Variants in CXADR observed in about 807,000 individuals in gnomAD.
The protein encoded by CXADR is coxsackievirus and adenovirus receptor.
A neutral mutation model predicts 40.3 loss-of-function variants in CXADR; 20 were observed. The observed-to-expected ratio is 0.50, with a 90% CI of 0.35 to 0.72. The LOEUF is 0.72. CXADR is among the 30% of genes least tolerant of loss of function. CXADR has a pLI of 0.01. For missense variants in CXADR, 332 were observed against 449.1 expected (o/e 0.74, Z 2.36); for synonymous variants, 150 against 161.3 (o/e 0.93, Z 0.53).
chr21:17,592,214 C>A (rs2061443655), intron 7 of CXADR, among the ~76,000 whole-genome samples: 1 of 151,844 alleles, frequency 6.6e-6, no homozygotes, highest in African/African-American at 2.4e-5. Context: ...TCTGATTTTC[C>A]CAACAAACCT....
intron 1 of CXADR, among the ~76,000 whole-genome samples, chr21:17,532,208 C>T (rs979604816): frequency 5.3e-4 from 80 of 152,126 alleles, no homozygotes; most frequent in African/African-American, 1.9e-3. Flanking sequence ...GTTGCTATTA[C>T]AGGTGTGGTG....
At chr21:17,629,192 C>A in the CXADR span, among the ~76,000 whole-genome samples, 1 of 151,840 alleles carries the variant, frequency 6.6e-6, no homozygotes, top group Non-Finnish European at 1.5e-5. Flanking sequence ...CCAGTCTGGC[C>A]AACATAGCAA....
chr21:17,614,335 A>T, the CXADR span, among the ~76,000 whole-genome samples: 1 of 152,178 alleles, frequency 6.6e-6, no homozygotes, highest in Non-Finnish European at 1.5e-5. Flanking sequence ...ATAGTTTAGG[A>T]TTAGTATTTT....
At chr21:17,597,513 G>A (rs1000334121), downstream of CXADR, among the ~76,000 whole-genome samples, 14 of 151,826 alleles carry the variant, frequency 9.2e-5, no homozygotes, top group African/African-American at 3.4e-4. Context: ...AAAAAAACCT[G>A]GTAATGAATG....
At chr21:17,629,387 C>CAAAAAAAAA in the CXADR span, among the ~76,000 whole-genome samples, 1 of 80,570 alleles carries the variant, frequency 1.2e-5, no homozygotes, top group Non-Finnish European at 2.6e-5. Context: ...GACTGTGTCT[C>CAAAAAAAAA]AAAAAAAAAA....
chr21:17,513,654 G>T (rs2060421493), intron 1 of CXADR, among the ~76,000 whole-genome samples: 1 of 152,218 alleles, frequency 6.6e-6, no homozygotes, highest in Non-Finnish European at 1.5e-5. Context: ...TGGACATGGA[G>T]CTGCCCGGTG....
chr21:17,552,954 A>T (rs985015993), intron 3 of CXADR, among the ~76,000 whole-genome samples: 23 of 151,912 alleles, frequency 1.5e-4, no homozygotes, highest in Non-Finnish European at 4.4e-5. Context: ...ATGGAGTCAC[A>T]CTCTGTTACC....
chr21:17,559,958 T>C (rs974071105), intron 4 of CXADR, among the ~76,000 whole-genome samples: 1 of 121,994 alleles, frequency 8.2e-6, no homozygotes, highest in African/African-American at 3.0e-5. Flanking sequence ...GTGTGGGCCA[T>C]TGCGCCTGGC....
rs1203000184 is a variant in CXADR, at chr21:17,559,052, A to G, written c.492A>G (p.Pro164=). 3.7e-6 allele frequency: 6 copies of G among 1,613,924 alleles called. No homozygotes were observed. In the East Asian group the frequency reaches 8.9e-5, roughly 24 times the overall value. ...IGSDFKIKCE[P]KEGSLPLQYE... is the part of the protein sequence containing the mutation. ...GTGACTTTAAGATAAAATGTGAACC[A>G]AAAGAAGGTTCACTTCCATTACAGT... The change falls in exon 4 of 7, where the codon CCA becomes CCG. Residue 164 remains proline, a synonymous_variant. Coordinates refer to ENST00000284878, the MANE Select transcript of CXADR (RefSeq NM_001338.5).
In CXADR at chr21:17,569,137, C is replaced by T. The variant is rs1233915119; in HGVS notation, c.*3445C>T. 13 of 985,226 alleles carry T rather than the reference C, an allele frequency of 1.3e-5. No homozygotes were observed. The highest frequency in any genetic ancestry group is 1.4e-5 in the Non-Finnish European group (12 of 829,928). The allele number at this position is 985,226 out of a possible 1,614,324, so 61.0% of individuals were successfully genotyped here. On this transcript the variant is annotated 3_prime_UTR_variant, in exon 7 of 7. Coordinates refer to ENST00000284878, the MANE Select transcript of CXADR (RefSeq NM_001338.5). ...ATGTGTGGCTTCTTAAAAATATTCT[C>T]AGTGTCTTTTGTGTGCGTGCAGCAT...
chr21:17,612,431 G>A, the CXADR span: 1 of 152,250 alleles, frequency 6.6e-6, no homozygotes, highest in South Asian at 2.1e-4. Flanking sequence ...TGTGGGAAAC[G>A]TGGCAGGAGC....
chr21:17,570,684 G>A (rs1484676887), downstream of CXADR, among the ~76,000 whole-genome samples: 4 of 152,186 alleles, frequency 2.6e-5, no homozygotes, highest in Non-Finnish European at 5.9e-5. Context: ...CAGCATAATG[G>A]TGAGATTTGG....
At chr21:17,599,475 A>AT in the CXADR span, among the ~76,000 whole-genome samples, 55,736 of 117,158 alleles carry the variant, frequency 0.48, 14,378 homozygotes, top group African/African-American at 0.65. Flanking sequence ...CCACTGGCTG[A>AT]TTTTTTTTTT....
the CXADR span, among the ~76,000 whole-genome samples, chr21:17,599,888 TGTTA>T: frequency 6.6e-5 from 10 of 152,194 alleles, no homozygotes; most frequent in African/African-American, 2.4e-4. Context: ...AAAGGGGGCC[TGTTA>T]TTTATACTCA....
chr21:17,599,988 CT>C, the CXADR span, among the ~76,000 whole-genome samples: 1 of 152,064 alleles, frequency 6.6e-6, no homozygotes, highest in African/African-American at 2.4e-5. Context: ...AATTATATTG[CT>C]TACTTCAGAG....
chr21:17,545,865 C>T (rs1168018559), intron 1 of CXADR, among the ~76,000 whole-genome samples: 11 of 150,860 alleles, frequency 7.3e-5, no homozygotes, highest in African/African-American at 2.2e-4. Flanking sequence ...CTGCAACCTC[C>T]GCCTCCCAGG....
At chr21:17,532,866 T>C (rs573992169) in intron 1 of CXADR, among the ~76,000 whole-genome samples, 6 of 152,282 alleles carry the variant, frequency 3.9e-5, no homozygotes, top group African/African-American at 1.4e-4. Flanking sequence ...GAGGAAAACA[T>C]CTAGTCACGG....
intron 1 of CXADR, among the ~76,000 whole-genome samples, chr21:17,524,043 C>CGTGTGTGTGCGT (rs1555860826): frequency 4.1e-5 from 6 of 144,720 alleles, no homozygotes; most frequent in African/African-American, 1.5e-4. Flanking sequence ...TGTGTGTGTG[C>CGTGTGTGTGCGT]GTGTGTGTGT....
At chr21:17,598,567 C>A, downstream of CXADR, 1 of 1,511,686 alleles carries the variant, frequency 6.6e-7, no homozygotes, top group South Asian at 1.2e-5. Context: ...CCTGAAAGGT[C>A]CTGGCAATCC....
Sources: gnomAD v4.1 joint callset for allele counts (sites outside exome capture counted in the v4.1 genomes callset) on GRCh38, gnomAD v4.1.1 for gene constraint, MANE v1.5 for transcripts, NCBI Gene and HGNC (gene_info 2026-07-23, HGNC 2026-07-21) for gene names.